The following KALRN variants were observed in gnomAD, a reference collection of about 807,000 sequenced individuals.
KALRN encodes the protein kalirin.
A neutral mutation model predicts 353.7 loss-of-function variants in KALRN; 70 were observed. The observed-to-expected ratio is 0.20, with a 90% CI of 0.16 to 0.24. The LOEUF is 0.24. Among genes scored for constraint, KALRN ranks in the 10% least tolerant of loss-of-function variants. The pLI, the probability that KALRN is intolerant of heterozygous loss-of-function variation, is 1.00. For synonymous variants in KALRN, 1,391 were observed against 1,434.8 expected (o/e 0.97, Z 0.69); for missense variants, 2,791 against 3,756.7 (o/e 0.74, Z 6.72).
chr3:124,630,801 C>T (rs1218965644), intron 34 of KALRN, among the ~76,000 whole-genome samples: 5 of 152,154 alleles, frequency 3.3e-5, no homozygotes, highest in Non-Finnish European at 5.9e-5. Flanking sequence ...ATATGGCATA[C>T]AGCTTACAAA....
At chr3:124,632,319 G>A in intron 34 of KALRN, 101 bp from the exon 35 acceptor site, 1 of 1,180,706 alleles carries the variant, frequency 8.5e-7, no homozygotes, top group East Asian at 2.4e-5. Flanking sequence ...TGGACATTCT[G>A]CCTTGTGTCC....
intron 34 of KALRN, among the ~76,000 whole-genome samples, chr3:124,600,089 C>T (rs2076650407): frequency 6.6e-6 from 1 of 152,224 alleles, no homozygotes; most frequent in South Asian, 2.1e-4. Context: ...AGAAAGTGGG[C>T]AAGGCTTCCC....
At chr3:124,704,532 G>C (rs1190668196) in intron 57 of KALRN, among the ~76,000 whole-genome samples, 1 of 143,244 alleles carries the variant, frequency 7.0e-6, no homozygotes, top group Non-Finnish European at 1.5e-5. Flanking sequence ...ATAATACATG[G>C]AAATTCTTTT....
At chr3:124,054,525 A>T (rs2041343303) in intron 1 of KALRN, among the ~76,000 whole-genome samples, 1 of 152,072 alleles carries the variant, frequency 6.6e-6, no homozygotes, top group African/African-American at 2.4e-5. Flanking sequence ...CCCTGAAGCT[A>T]TGGCAGACCC....
intron 14 of KALRN, among the ~76,000 whole-genome samples, chr3:124,421,948 C>T (rs1404193874): frequency 6.6e-6 from 1 of 152,156 alleles, no homozygotes; most frequent in African/African-American, 2.4e-5. Flanking sequence ...ACTCAAGGCT[C>T]CCATTGTAGG....
In KALRN at chr3:124,482,814, C is replaced by A. The variant is rs770113483; in HGVS notation, c.4198C>A (p.Gln1400Lys). ...EHAGTFFDEI[Q>K]QRHGLANSIS... ...ATTGTTCTCATCCCTGCAGGAGATA[C>A]AACAGCGGCATGGTCTGGCCAACTC... is the stretch of plus-strand genomic sequence containing the variant. The change falls in exon 28 of 60, where the codon CAA becomes AAA. Residue 1400 changes from glutamine to lysine, a missense_variant. Gln to Lys is a moderately conservative substitution (Grantham distance 53). Around this residue, in one of 11 missense-constraint regions of KALRN, gnomAD observed 54 missense variants for 131.7 expected, o/e 0.41. Transcript: ENST00000682506. 1.2e-6 allele frequency: 2 copies of A among 1,610,372 alleles called. No homozygotes were observed. The highest frequency in any genetic ancestry group is 2.2e-5 in the East Asian group (1 of 44,858).
At chr3:124,676,681 C>T (rs1310861438) in intron 49 of KALRN, among the ~76,000 whole-genome samples, 2 of 152,208 alleles carry the variant, frequency 1.3e-5, no homozygotes, top group Non-Finnish European at 2.9e-5. Context: ...CACACACATA[C>T]ACAACGTGCT....
At chr3:124,384,691 G>C (rs1000407230) in intron 10 of KALRN, 154 bp from the exon 11 acceptor site, 10 of 623,428 alleles carry the variant, frequency 1.6e-5, no homozygotes, top group Non-Finnish European at 2.7e-5. Context: ...GCTGAGAGGC[G>C]GCGTGCCAGC....
intron 18 of KALRN, among the ~76,000 whole-genome samples, chr3:124,440,178 GA>G (rs562280326): frequency 6.5e-4 from 99 of 152,088 alleles, no homozygotes; most frequent in African/African-American, 1.9e-3. Context: ...CAGAGCTTAT[GA>G]TGATTTTTTA....
Position 124,326,025 on chromosome 3 carries a change from C to G in KALRN, c.1138C>G (p.Leu380Val). ...CCGCATCATGTCCGTGGCTTCCCGC[C>G]TCTCTGAGGCCGGTCATTATGCCTC... is the stretch of plus-strand genomic sequence containing the variant. ...INRIMSVASR[L>V]SEAGHYASQQ... The change falls in exon 7 of 60, where the codon CTC becomes GTC. Residue 380 changes from leucine to valine, a missense_variant. Leu to Val is a conservative substitution (Grantham distance 32). Coordinates refer to ENST00000682506, the MANE Select transcript of KALRN (RefSeq NM_001388419.1). 2 of 1,613,566 alleles carry G rather than the reference C, an allele frequency of 1.2e-6. No homozygotes were observed. Among genetic ancestry groups the G allele is most frequent in the Non-Finnish European group, 1.7e-6 (2 of 1,179,720 alleles).
chr3:124,356,355 CAG>C (rs1257588608), intron 10 of KALRN, among the ~76,000 whole-genome samples: 46 of 123,278 alleles, frequency 3.7e-4, no homozygotes, highest in African/African-American at 1.3e-3. Context: ...TTTTTTGAGA[CAG>C]AGTTTCTCTC....
chr3:124,050,703 G>A (rs2040946113), intron 1 of KALRN, among the ~76,000 whole-genome samples: 1 of 152,060 alleles, frequency 6.6e-6, no homozygotes, highest in Non-Finnish European at 1.5e-5. Context: ...TTTCCTTATG[G>A]CAGGGATCTC....
chr3:124,518,076 G>A (rs1049360995), intron 33 of KALRN, among the ~76,000 whole-genome samples: 2 of 152,172 alleles, frequency 1.3e-5, no homozygotes, highest in East Asian at 1.9e-4. Context: ...TGGTCTACAG[G>A]CGTCTAATGG....
rs927325215 is a variant in KALRN, at chr3:124,597,063, CAAAAACACAA to C, written c.5182+33976_5182+33985del. On this transcript the variant is annotated intron_variant, in intron 34 of 59. Transcript: ENST00000682506. ...ACTCTGTCTTAAAAAAAAACAAAAA[CAAAAACACAA>C]ACAAAACAAAACAACAAAAATAAGT... Among the ~76,000 whole-genome samples, 4 of 134,998 alleles carry C rather than the reference CAAAAACACAA, an allele frequency of 3.0e-5. 1 individual carries two copies. The highest frequency in any genetic ancestry group is 5.3e-4 in the East Asian group (2 of 3,754). The allele number at this position is 134,998 out of a possible 152,430, so 88.6% of individuals were successfully genotyped here. A position where few individuals can be genotyped will look rare whatever the true frequency, so the allele number is the denominator to read the frequency against.
At chr3:124,540,165 C>A (rs1481033840) in intron 33 of KALRN, among the ~76,000 whole-genome samples, 1 of 152,166 alleles carries the variant, frequency 6.6e-6, no homozygotes, top group African/African-American at 2.4e-5. Flanking sequence ...AAGCATTCCG[C>A]CCACCTTGGC....
At chr3:124,330,543 G>A (rs910601342) in intron 8 of KALRN, among the ~76,000 whole-genome samples, 1 of 152,086 alleles carries the variant, frequency 6.6e-6, no homozygotes, top group African/African-American at 2.4e-5. Context: ...GAATGTGAAG[G>A]ACAAAGACTC....
chr3:124,447,593 C>G (rs1035606524), intron 21 of KALRN, among the ~76,000 whole-genome samples: 3 of 152,204 alleles, frequency 2.0e-5, no homozygotes, highest in African/African-American at 7.2e-5. Context: ...CTCCTTGCCA[C>G]ACAGGAGGCT....
intron 6 of KALRN, among the ~76,000 whole-genome samples, chr3:124,311,933 GA>G (rs2078306309): frequency 6.6e-6 from 1 of 152,132 alleles, no homozygotes; most frequent in Non-Finnish European, 1.5e-5. Flanking sequence ...TCATTTATTT[GA>G]AAAGTCCAGA....
intron 19 of KALRN, among the ~76,000 whole-genome samples, chr3:124,444,476 G>C (rs892708319): frequency 6.6e-6 from 1 of 152,146 alleles, no homozygotes; most frequent in Admixed American, 6.5e-5. Context: ...CATGATAAAG[G>C]CTTAGATACA....
Sources: allele counts gnomAD v4.1 joint callset (sites outside exome capture counted in the v4.1 genomes callset), GRCh38; gene constraint gnomAD v4.1.1; regional missense constraint gnomAD v4.1.1; transcripts MANE v1.5; gene names NCBI Gene and HGNC (gene_info 2026-07-23, HGNC 2026-07-21).